DNM1: variants seen among roughly 807,000 people sequenced by gnomAD.
The protein encoded by DNM1 is dynamin-1.
Under a neutral mutation model 104.6 loss-of-function variants are expected in DNM1, and 29 were observed. The ratio of observed to expected loss-of-function variants is 0.28; its 90% CI spans 0.21 to 0.38. The LOEUF (loss-of-function observed/expected upper bound fraction) is 0.38. DNM1 is among the 10% of genes least tolerant of loss of function. The pLI is 1.00. For synonymous variants in DNM1, 445 were observed against 475.8 expected, an observed-to-expected ratio of 0.94 and a Z score of 0.84; for missense variants, 640 against 1,189.4, an observed-to-expected ratio of 0.54 and a Z score of 6.79.
chr9:128,230,416 T>A (rs1177921334), intron 10 of DNM1, among the ~76,000 whole-genome samples: 2 of 149,818 alleles, frequency 1.3e-5, no homozygotes, highest in African/African-American at 4.9e-5. Context: ...TCACAAATTT[T>A]ATTTATTTAT....
At chr9:128,213,873 G>A (rs532055761) in intron 1 of DNM1, among the ~76,000 whole-genome samples, 1 of 152,268 alleles carries the variant, frequency 6.6e-6, no homozygotes, top group Non-Finnish European at 1.5e-5. Context: ...GAACTGCCCT[G>A]CAGTGTTCAG....
intron 10 of DNM1, among the ~76,000 whole-genome samples, chr9:128,230,413 T>TTTTATTTA (rs143301170): frequency 0.05 from 7,366 of 148,084 alleles, 244 homozygotes; most frequent in Middle Eastern, 0.11. Flanking sequence ...TCTTCACAAA[T>TTTTATTTA]TTTATTTATT....
rs138265916 is a variant in DNM1, at chr9:128,228,322, C to T, written c.1335+3933C>T. On this transcript the variant is annotated intron_variant, in intron 10 of 21. Transcript: ENST00000372923. Reference sequence around the variant, plus strand: ...CCTCCCAAAGTGCTGGGATTACAGGCATGAGCCACCCCTCCTGGCCTAATA... The same window carrying T: ...CCTCCCAAAGTGCTGGGATTACAGGTATGAGCCACCCCTCCTGGCCTAATA... Among the ~76,000 whole-genome samples the T allele has an allele frequency of 2.8e-3, 432 of 152,192 alleles. 7 individuals carry two copies. In the East Asian group the frequency reaches 0.064, roughly 23 times the overall value.
rs117248979 is a variant in DNM1, at chr9:128,211,891, G to A, written c.162-6340G>A. On this transcript the variant is annotated intron_variant, in intron 1 of 21. Coordinates refer to ENST00000372923, the MANE Select transcript of DNM1 (RefSeq NM_004408.4). ...GGGCTCAGAGCTCCTGGCAGAGGGC[G>A]GCTCCAACCATGGTTAATATTAACA... is the stretch of plus-strand genomic sequence containing the variant. 9.5e-4 allele frequency among the ~76,000 whole-genome samples: 145 copies of A among 152,262 alleles called. 2 individuals carry two copies. In the East Asian group the frequency reaches 0.024, roughly 26 times the overall value.
In DNM1 at chr9:128,220,740, CGCGTGTGT is replaced by C. The variant is rs1175775789; in HGVS notation, c.849+401_849+408del. Among the ~76,000 whole-genome samples, 9 of 125,700 alleles carry C rather than the reference CGCGTGTGT, an allele frequency of 7.2e-5. No homozygotes were observed. Among genetic ancestry groups the C allele is most frequent in the African/African-American group, 2.6e-4 (9 of 34,510 alleles). 82.5% of individuals were successfully genotyped at this position (125,700 alleles called of 152,430 possible). On this transcript the variant is annotated intron_variant, in intron 6 of 21. Transcript: ENST00000372923. The surrounding 1 kb of genome is among the most constrained non-coding windows in gnomAD (Gnocchi z 5.2). Reference sequence around the variant, plus strand: ...TCCAGAACTGAAGTGCGCGCGCGCGCGCGTGTGTGTGTGTGTGTGTGTGTGTGTCTGTC... The same window carrying C: ...TCCAGAACTGAAGTGCGCGCGCGCGCGTGTGTGTGTGTGTGTGTGTCTGTC...
At position 128,240,096 on chromosome 9, in the gene DNM1, A is replaced by C; in HGVS notation, c.1557+100A>C. On this transcript the variant is annotated intron_variant, in intron 14 of 21. Coordinates refer to ENST00000372923, the MANE Select transcript of DNM1 (RefSeq NM_004408.4). This position sits in a 1 kb window ranked among gnomAD's most constrained non-coding sequence, Gnocchi z 5.1. ...CGGGTAGGAGGGCACCCTTTGGCTG[A>C]AGCTGCTTGTACACACCAGCCCCTG... The C allele has an allele frequency of 7.1e-7, 1 of 1,406,420 alleles. No individual in the cohort carries two copies. The highest frequency in any genetic ancestry group is 1.0e-6 in the Non-Finnish European group (1 of 993,222). 87.1% of individuals were successfully genotyped at this position (1,406,420 alleles called of 1,614,324 possible).
In DNM1 at chr9:128,220,742, C is replaced by CGCGCGCGCGCGTGTGTGTGTGTGT. The variant is rs61020870; in HGVS notation, c.849+402_849+403insCGCGCGCGCGTGTGTGTGTGTGTG. 5.9e-5 allele frequency among the ~76,000 whole-genome samples: 8 copies of CGCGCGCGCGCGTGTGTGTGTGTGT among 136,362 alleles called. No homozygotes were observed. Among genetic ancestry groups the CGCGCGCGCGCGTGTGTGTGTGTGT allele is most frequent in the African/African-American group, 2.1e-4 (8 of 37,808 alleles). 89.5% of individuals were successfully genotyped at this position (136,362 alleles called of 152,430 possible). ...CAGAACTGAAGTGCGCGCGCGCGCG[C>CGCGCGCGCGCGTGTGTGTGTGTGT]GTGTGTGTGTGTGTGTGTGTGTGTG... On this transcript the variant is annotated intron_variant, in intron 6 of 21. Coordinates refer to ENST00000372923, the MANE Select transcript of DNM1 (RefSeq NM_004408.4). The surrounding 1 kb of genome is among the most constrained non-coding windows in gnomAD (Gnocchi z 5.2).
At chr9:128,219,907 A>AG in intron 4 of DNM1, 81 bp from the exon 5 acceptor site, 1 of 1,141,046 alleles carries the variant, frequency 8.8e-7, no homozygotes, top group Non-Finnish European at 1.3e-6. Context: ...CGAGGAGAGC[A>AG]GGGGGATGGG....
rs971301728 is a variant in DNM1, at chr9:128,242,218, C to T, written c.1558-14C>T. 2 of 1,500,920 alleles carry T rather than the reference C, an allele frequency of 1.3e-6. No homozygotes were observed. The highest frequency in any genetic ancestry group is 1.4e-5 in the African/African-American group (1 of 72,646). 93.0% of individuals were successfully genotyped at this position (1,500,920 alleles called of 1,614,324 possible). A position where few individuals can be genotyped will look rare whatever the true frequency, so the allele number is the denominator to read the frequency against. On this transcript the variant is annotated splice_polypyrimidine_tract_variant and intron_variant, in intron 14 of 21. Coordinates refer to ENST00000372923, the MANE Select transcript of DNM1 (RefSeq NM_004408.4). ...AGGCCCTGTCCACTGACCTCCTGCC[C>T]CATCACCCTCCAGGTCATCCGCAAG...
Position 128,245,953 on chromosome 9 carries a change from G to C in DNM1, c.1672-441G>C, listed in dbSNP as rs191523662. 6.6e-6 allele frequency among the ~76,000 whole-genome samples: 1 copy of C among 152,228 alleles called. No individual in the cohort carries two copies. The highest frequency in any genetic ancestry group is 6.5e-5 in the Admixed American group (1 of 15,288). On this transcript the variant is annotated intron_variant, in intron 15 of 21. Transcript: ENST00000372923. This position sits in a 1 kb window ranked among gnomAD's most constrained non-coding sequence, Gnocchi z 5.2. The stretch of plus-strand genomic sequence containing the variant: ...CTTATTGCTAACACATGGGGAGCTC[G>C]GGGGAGTGGGCTGAGCCGGCCCTTT...
rs777197104 is a variant in DNM1, at chr9:128,243,644, GTC to G, written c.1671+1305_1671+1306del. ...GCGGGTGGGGGGTGGCTTCCTGCCG[GTC>G]TCTCTGCAGGCTCCCTAGATGCCCC... On this transcript the variant is annotated intron_variant, in intron 15 of 21. Coordinates refer to ENST00000372923, the MANE Select transcript of DNM1 (RefSeq NM_004408.4). The surrounding 1 kb of genome is among the most constrained non-coding windows in gnomAD (Gnocchi z 4.0). Among the ~76,000 whole-genome samples the G allele has an allele frequency of 3.3e-5, 5 of 152,206 alleles. No individual in the cohort carries two copies. Among genetic ancestry groups the G allele is most frequent in the Non-Finnish European group, 7.3e-5 (5 of 68,028 alleles).
chr9:128,229,024 G>T (rs1455918032), intron 10 of DNM1, among the ~76,000 whole-genome samples: 2 of 151,598 alleles, frequency 1.3e-5, no homozygotes, highest in Non-Finnish European at 2.9e-5. Context: ...AAAAACTGGA[G>T]ACTATCTAAA....
Position 128,253,391 on chromosome 9 carries a change from C to T in DNM1, c.2535-1263C>T, listed in dbSNP as rs1253285596. The stretch of plus-strand genomic sequence containing the variant: ...CTGGAGGCTCTTGGAACAGGCTCCG[C>T]GCCCAAGCTGGCAGACATGGGTGCT... On this transcript the variant is annotated intron_variant, in intron 21 of 21. Coordinates refer to ENST00000372923, the MANE Select transcript of DNM1 (RefSeq NM_004408.4). The surrounding 1 kb of genome is among the most constrained non-coding windows in gnomAD (Gnocchi z 5.9). 1.1e-5 allele frequency: 6 copies of T among 548,482 alleles called. No individual in the cohort carries two copies. Among genetic ancestry groups the T allele is most frequent in the East Asian group, 9.2e-5 (3 of 32,450 alleles). 34.0% of individuals were successfully genotyped at this position (548,482 alleles called of 1,614,324 possible).
intron 1 of DNM1, among the ~76,000 whole-genome samples, chr9:128,205,993 T>C (rs964881333): frequency 4.6e-5 from 7 of 152,088 alleles, no homozygotes; most frequent in South Asian, 2.1e-4. Context: ...CTTAGGTTGA[T>C]GTGAAGGAGT....
intron 11 of DNM1, among the ~76,000 whole-genome samples, chr9:128,234,535 G>A (rs964282859): frequency 6.6e-6 from 1 of 152,022 alleles, no homozygotes; most frequent in African/African-American, 2.4e-5. Flanking sequence ...CACCATGCCC[G>A]GGTAATTTTT....
In DNM1 at chr9:128,203,758, A is replaced by G. The variant is rs376304839; in HGVS notation, c.161+127A>G. On this transcript the variant is annotated intron_variant, in intron 1 of 21. Coordinates refer to ENST00000372923, the MANE Select transcript of DNM1 (RefSeq NM_004408.4). This position sits in a 1 kb window ranked among gnomAD's most constrained non-coding sequence, Gnocchi z 5.3. ...TGCACCCGCGGCCGGCGCGCCCCCC[A>G]CCCCCAGCCGGAGCGAGGAGGCCCT... 4.0e-6 allele frequency: 3 copies of G among 749,498 alleles called. No homozygotes were observed. Among genetic ancestry groups the G allele is most frequent in the East Asian group, 9.6e-5 (2 of 20,824 alleles). The allele number at this position is 749,498 out of a possible 1,614,324, so 46.4% of individuals were successfully genotyped here.
rs904357870 is a variant in DNM1, at chr9:128,243,621, G to A, written c.1671+1276G>A. On this transcript the variant is annotated intron_variant, in intron 15 of 21. Transcript: ENST00000372923. The surrounding 1 kb of genome is among the most constrained non-coding windows in gnomAD (Gnocchi z 4.0). ...TGGAGTGTGCAGTGGCATGGGGTGC[G>A]GGTGGGGGGTGGCTTCCTGCCGGTC... Among the ~76,000 whole-genome samples, 8 of 152,198 alleles carry A rather than the reference G, an allele frequency of 5.3e-5. No individual in the cohort carries two copies. The highest frequency in any genetic ancestry group is 9.6e-5 in the African/African-American group (4 of 41,464).
Position 128,240,331 on chromosome 9 carries a change from C to G in DNM1, c.1557+335C>G. 1 of 338,820 alleles carries G rather than the reference C, an allele frequency of 3.0e-6. No homozygotes were observed. The allele number at this position is 338,820 out of a possible 1,614,324, so 21.0% of individuals were successfully genotyped here. Reference sequence around the variant, plus strand: ...GCAAGACACATTTTTAAGAAGCTGACAGCCATCGCCTCCGGACTTGAATGA... The same window carrying G: ...GCAAGACACATTTTTAAGAAGCTGAGAGCCATCGCCTCCGGACTTGAATGA... On this transcript the variant is annotated intron_variant, in intron 14 of 21. Transcript: ENST00000372923. This position sits in a 1 kb window ranked among gnomAD's most constrained non-coding sequence, Gnocchi z 5.1.
chr9:128,244,844 C>T (rs1478964951), intron 15 of DNM1: 1 of 524,818 alleles, frequency 1.9e-6, no homozygotes, highest in Non-Finnish European at 3.9e-6. Context: ...ATCCAGGCAG[C>T]AGTGTCTGTC....
Sources: gnomAD v4.1 joint callset for allele counts (sites outside exome capture counted in the v4.1 genomes callset) on GRCh38, gnomAD v4.1.1 for gene constraint, Gnocchi (gnomAD v3.1) non-coding constraint, MANE v1.5 for transcripts, NCBI Gene and HGNC (gene_info 2026-07-23, HGNC 2026-07-21) for gene names.